Variants in MAD1L1 observed in about 807,000 individuals in gnomAD.
MAD1L1 encodes the protein mitotic spindle assembly checkpoint protein MAD1.
In MAD1L1, 95 loss-of-function variants were observed where a neutral mutation model predicts 96.9. That is an observed-to-expected ratio of 0.98 (90% CI 0.83 to 1.16). The LOEUF (loss-of-function observed/expected upper bound fraction) is 1.16. Among genes scored for constraint, MAD1L1 ranks in the 50% most tolerant of loss-of-function variants. The pLI is 0.00. For missense variants in MAD1L1, 1,007 were observed against 954.4 expected, an observed-to-expected ratio of 1.06 and a Z score of -0.73; for synonymous variants, 473 against 396.6, an observed-to-expected ratio of 1.19 and a Z score of -2.29.
rs902324608 is a variant in MAD1L1 at position 1,968,010 on chromosome 7, G to A, written c.1506-10291C>T. On this transcript the variant is annotated intron_variant, in intron 15 of 18. Coordinates refer to ENST00000265854, the MANE Select transcript of MAD1L1 (RefSeq NM_001013836.2). This position sits in a 1 kb window ranked among gnomAD's most constrained non-coding sequence, Gnocchi z 5.6. The stretch of plus-strand genomic sequence containing the variant: ...AAACTCCCTCCAGTCCACACTGCTG[G>A]TAATAAATGAAGAAGTGAATAAATG... Among the ~76,000 whole-genome samples, 4 of 152,210 alleles carry A rather than the reference G, an allele frequency of 2.6e-5. No individual in the cohort carries two copies. Among genetic ancestry groups the A allele is most frequent in the Non-Finnish European group, 5.9e-5 (4 of 68,038 alleles).
At chr7:1,832,661 G>T (rs1270380586) in intron 18 of MAD1L1, among the ~76,000 whole-genome samples, 1 of 65,636 alleles carries the variant, frequency 1.5e-5, no homozygotes, top group Non-Finnish European at 3.0e-5. Flanking sequence ...GGATGGAGTC[G>T]TGCTCTGTTG....
intron 11 of MAD1L1, among the ~76,000 whole-genome samples, chr7:2,133,598 G>A (rs1393374735): frequency 1.3e-5 from 2 of 152,206 alleles, no homozygotes; most frequent in East Asian, 3.8e-4. Context: ...TGCCTTTGGT[G>A]TTGTACGTTA....
chr7:1,817,711 G>A (rs955936680), intron 18 of MAD1L1, among the ~76,000 whole-genome samples: 2 of 152,164 alleles, frequency 1.3e-5, no homozygotes, highest in Admixed American at 6.5e-5. Context: ...TGAGCTGCAT[G>A]TGTGTGCATC....
At chr7:1,961,803 T>C (rs905652557) in intron 15 of MAD1L1, among the ~76,000 whole-genome samples, 8 of 151,858 alleles carry the variant, frequency 5.3e-5, no homozygotes, top group African/African-American at 9.7e-5. Flanking sequence ...TTCTCGTGTG[T>C]TGTGGGAGGG....
At chr7:2,133,534 A>T (rs529886711) in intron 11 of MAD1L1, among the ~76,000 whole-genome samples, 2 of 152,384 alleles carry the variant, frequency 1.3e-5, no homozygotes, top group South Asian at 4.1e-4. Flanking sequence ...TTTCCTTCGC[A>T]GAGCAGCCAT....
intron 11 of MAD1L1, among the ~76,000 whole-genome samples, chr7:2,106,289 T>A (rs1787095036): frequency 6.6e-6 from 1 of 151,420 alleles, no homozygotes; most frequent in Non-Finnish European, 1.5e-5. Context: ...GATCCACATG[T>A]CCATCCCTGG....
chr7:1,917,412 C>T (rs1583779237), intron 17 of MAD1L1, among the ~76,000 whole-genome samples: 1 of 152,168 alleles, frequency 6.6e-6, no homozygotes, highest in African/African-American at 2.4e-5. Context: ...GGGTGCCCAC[C>T]CCGGGTGAAG....
intron 18 of MAD1L1, among the ~76,000 whole-genome samples, chr7:1,887,109 G>A (rs12534679): frequency 0.54 from 81,655 of 152,254 alleles, 23,491 homozygotes; most frequent in African/African-American, 0.74. Context: ...GGGGGCTCCG[G>A]CTGGGCCCAT....
intron 17 of MAD1L1, among the ~76,000 whole-genome samples, chr7:1,926,477 T>G (rs1290673178): frequency 6.6e-6 from 1 of 152,138 alleles, no homozygotes; most frequent in Admixed American, 6.5e-5. Context: ...ACTGACGATG[T>G]CAGCAAGATG....
chr7:1,903,927 C>T (rs1787442745), intron 17 of MAD1L1, among the ~76,000 whole-genome samples: 1 of 123,026 alleles, frequency 8.1e-6, no homozygotes, highest in Non-Finnish European at 1.8e-5. Context: ...CTGTTCCAGG[C>T]AGCGAGGACG....
chr7:2,207,477 G>T (rs1471640888), intron 10 of MAD1L1, among the ~76,000 whole-genome samples: 3 of 152,130 alleles, frequency 2.0e-5, no homozygotes, highest in African/African-American at 7.2e-5. Flanking sequence ...ACGGCCAATG[G>T]TGTAATCAAT....
At chr7:1,924,027 A>C (rs1011298493) in intron 17 of MAD1L1, among the ~76,000 whole-genome samples, 1 of 152,276 alleles carries the variant, frequency 6.6e-6, no homozygotes, top group Non-Finnish European at 1.5e-5. Context: ...CAAAACATCC[A>C]GAATGCAATC....
At chr7:1,915,172 G>A (rs1055332649) in intron 17 of MAD1L1, among the ~76,000 whole-genome samples, 1 of 152,222 alleles carries the variant, frequency 6.6e-6, no homozygotes, top group Non-Finnish European at 1.5e-5. Flanking sequence ...AGGCCCTGAG[G>A]ACACAGTGTG....
At chr7:2,188,649 G>T (rs1297610773) in intron 10 of MAD1L1, among the ~76,000 whole-genome samples, 1 of 152,154 alleles carries the variant, frequency 6.6e-6, no homozygotes, top group Non-Finnish European at 1.5e-5. Context: ...AAAGAATGAA[G>T]TTGGGCCCTT....
chr7:1,977,314 C>A (rs1357071023), intron 15 of MAD1L1, among the ~76,000 whole-genome samples: 1 of 152,264 alleles, frequency 6.6e-6, no homozygotes, highest in East Asian at 1.9e-4. Flanking sequence ...GATGGGCCAG[C>A]AGTGCTGGGG....
chr7:1,850,903 G>A (rs1310097400), intron 18 of MAD1L1, among the ~76,000 whole-genome samples: 1 of 152,192 alleles, frequency 6.6e-6, no homozygotes, highest in Non-Finnish European at 1.5e-5. Flanking sequence ...GACCCCGTGT[G>A]GGACCCCCAT....
At chr7:1,890,702 G>A (rs1459564593) in intron 18 of MAD1L1, among the ~76,000 whole-genome samples, 2 of 152,148 alleles carry the variant, frequency 1.3e-5, no homozygotes, top group African/African-American at 2.4e-5. Context: ...AGGGAGCCCC[G>A]AAACCAAGGC....
At chr7:1,886,290 T>C (rs73288729) in intron 18 of MAD1L1, among the ~76,000 whole-genome samples, 99 of 152,286 alleles carry the variant, frequency 6.5e-4, no homozygotes, top group African/African-American at 2.1e-3. Flanking sequence ...GCACGGGAGA[T>C]GGTGGGCTGG....
intron 14 of MAD1L1, among the ~76,000 whole-genome samples, chr7:1,998,043 T>A (rs1377108796): frequency 6.6e-6 from 1 of 152,016 alleles, no homozygotes; most frequent in Non-Finnish European, 1.5e-5. Flanking sequence ...CGGTGCTGCG[T>A]ACGATGAATA....
Sources: gnomAD v4.1 joint callset for allele counts (sites outside exome capture counted in the v4.1 genomes callset) on GRCh38, gnomAD v4.1.1 for gene constraint, Gnocchi (gnomAD v3.1) non-coding constraint, MANE v1.5 for transcripts, NCBI Gene and HGNC (gene_info 2026-07-23, HGNC 2026-07-21) for gene names.